Variants in XIST observed in about 807,000 individuals in gnomAD.
XIST encodes the protein X inactive specific transcript (non-protein coding).
exon 1 of XIST, chrX:73,842,815 G>C (rs1351545422): frequency 1.8e-6 from 1 of 556,471 alleles, no homozygotes; most frequent in Non-Finnish European, 3.2e-6. Context: ...GCAGGGCAGA[G>C]GGAAGGGAAG....
chrX:73,847,838 T>C (rs1188115550), exon 1 of XIST: 1 of 559,116 alleles, frequency 1.8e-6, no homozygotes, highest in Admixed American at 2.2e-5. Flanking sequence ...GGAGAGACCA[T>C]GAACATTGGA....
At position 73,824,090 on chromosome X, in the gene XIST, T is replaced by C. The variant is rs752493151; in HGVS notation, n.15811A>G. On this transcript the variant is annotated non_coding_transcript_exon_variant, in exon 6 of 6. Coordinates refer to ENST00000429829, the Ensembl canonical transcript of XIST. ...GAGTAATCAATGATCATTCAGCAGA[T>C]ATAGCTTATATATGGGTGGCAGTTT... The C allele has an allele frequency of 1.3e-5, 7 of 550,179 alleles. No individual in the cohort carries two copies. The African/African-American group carries it at 1.6e-4, about 12-fold the overall frequency. The allele number at this position is 550,179 out of a possible 1,213,427, so 45.3% of individuals were successfully genotyped here.
At chrX:73,830,390 G>A (rs984706061) in intron 4 of XIST, among the ~76,000 whole-genome samples, 4 of 111,515 alleles carry the variant, frequency 3.6e-5, no homozygotes, top group East Asian at 2.8e-4. Context: ...CACTATTTAC[G>A]AAGAATGCTG....
At chrX:73,829,790 CAAAAAAAAAAAA>C (rs752287639) in intron 4 of XIST, among the ~76,000 whole-genome samples, 2 of 24,240 alleles carry the variant, frequency 8.3e-5, no homozygotes, top group African/African-American at 2.7e-4. Flanking sequence ...AACTCCATCT[CAAAAAAAAAAAA>C]AAAAAAAAAG....
exon 1 of XIST, chrX:73,845,874 T>C (rs1340728669): frequency 1.8e-6 from 1 of 552,129 alleles, no homozygotes; most frequent in South Asian, 2.2e-5. Flanking sequence ...CAGACAAATA[T>C]AATCACGCAC....
intron 1 of XIST, among the ~76,000 whole-genome samples, chrX:73,839,452 T>C (rs965419881): frequency 1.8e-5 from 2 of 111,588 alleles, no homozygotes; most frequent in African/African-American, 6.5e-5. Flanking sequence ...GTATTTGATA[T>C]AAGCCCCTAT....
At chrX:73,823,394 C>T (rs1922172539) in exon 6 of XIST, 3 of 508,527 alleles carry the variant, frequency 5.9e-6, no homozygotes, top group Non-Finnish European at 1.1e-5. Flanking sequence ...TAGTACCTTG[C>T]AGAGAATAGG....
chrX:73,836,724 A>G, intron 2 of XIST, among the ~76,000 whole-genome samples: 1 of 111,584 alleles, frequency 9.0e-6, no homozygotes, highest in African/African-American at 3.3e-5. Flanking sequence ...TTACTCTCCA[A>G]TAAAAAGTAT....
At position 73,843,117 on chromosome X, in the gene XIST, A is replaced by C. The variant is rs754902048; in HGVS notation, n.9607T>G. 1.3e-5 allele frequency: 7 copies of C among 558,360 alleles called. No homozygotes were observed. In the Admixed American group the frequency reaches 1.6e-4, roughly 12 times the overall value. 46.0% of individuals were successfully genotyped at this position (558,360 alleles called of 1,213,427 possible). On this transcript the variant is annotated non_coding_transcript_exon_variant, in exon 1 of 6. Transcript: ENST00000429829. ...GGGCGCTTGCTTAACAAGGTCAGGGAGGGAGAAAACCATTGATAACTGCCA... is the reference window on the plus strand; with the variant it reads ...GGGCGCTTGCTTAACAAGGTCAGGGCGGGAGAAAACCATTGATAACTGCCA...
At chrX:73,849,212 C>A in exon 1 of XIST, 1 of 558,976 alleles carries the variant, frequency 1.8e-6, no homozygotes, top group South Asian at 2.2e-5. Flanking sequence ...TGTCCAAGAA[C>A]AGCAGGATTC....
At chrX:73,833,182 T>A in intron 3 of XIST, 1 of 534,884 alleles carries the variant, frequency 1.9e-6, no homozygotes, top group Admixed American at 2.3e-5. Context: ...AAAGGAGAGT[T>A]GTGGGAAGTT....
exon 6 of XIST, chrX:73,826,119 G>T: frequency 1.8e-6 from 1 of 559,075 alleles, no homozygotes; most frequent in Non-Finnish European, 3.2e-6. Context: ...GCTCACCTAA[G>T]CTCAAAGAAG....
exon 1 of XIST, chrX:73,849,383 G>C: frequency 1.8e-6 from 1 of 558,881 alleles, no homozygotes; most frequent in East Asian, 3.2e-5. Context: ...CCAATGGGTA[G>C]GATTATTGGC....
chrX:73,844,778 A>C (rs1355900371), exon 1 of XIST: 1 of 556,199 alleles, frequency 1.8e-6, no homozygotes, highest in Non-Finnish European at 3.2e-6. Context: ...GTCTGAGAGT[A>C]AGGCCTTATT....
exon 1 of XIST, chrX:73,842,388 G>C (rs1387117859): frequency 1.8e-6 from 1 of 547,991 alleles, no homozygotes; most frequent in African/African-American, 2.2e-5. Context: ...CCAGCTCCCT[G>C]GGTCTGACTT....
chrX:73,846,360 G>T (rs1476893262), exon 1 of XIST: 1 of 557,608 alleles, frequency 1.8e-6, no homozygotes, highest in East Asian at 3.3e-5. Flanking sequence ...GTCTTATGGA[G>T]TGGGCACTCC....
chrX:73,841,328 G>GAA, intron 1 of XIST: 1 of 438,540 alleles, frequency 2.3e-6, no homozygotes, highest in Non-Finnish European at 4.0e-6. Flanking sequence ...GCATCTAAGA[G>GAA]AAAGAAAATA....
exon 1 of XIST, chrX:73,849,174 A>G (rs1220937872): frequency 3.6e-6 from 2 of 559,262 alleles, no homozygotes; most frequent in Admixed American, 4.4e-5. Context: ...GGGTGAGACA[A>G]TTAGCAATTA....
exon 6 of XIST, chrX:73,822,633 T>C (rs756772171): frequency 1.9e-6 from 1 of 519,011 alleles, no homozygotes; most frequent in Admixed American, 2.6e-5. Context: ...AACAAAATGG[T>C]TGAGATAACA....
Sources: allele counts gnomAD v4.1 joint callset (sites outside exome capture counted in the v4.1 genomes callset), GRCh38; gene constraint gnomAD v4.1.1; transcripts MANE v1.5; gene names NCBI Gene and HGNC (gene_info 2026-07-23, HGNC 2026-07-21).